FHIT: variants seen among roughly 807,000 people sequenced by gnomAD.
FHIT encodes the protein bis(5'-adenosyl)-triphosphatase.
In FHIT, 19 loss-of-function variants were observed where a neutral mutation model predicts 17.9. The ratio of observed to expected loss-of-function variants is 1.06; its 90% CI spans 0.74 to 1.56. The LOEUF (loss-of-function observed/expected upper bound fraction) is 1.56, where lower values mean the gene tolerates loss of function less well. Among genes scored for constraint, FHIT ranks in the 40% most tolerant of loss-of-function variants. FHIT has a pLI of 0.00. For missense variants in FHIT, 248 were observed against 189.2 expected (o/e 1.31, Z -1.82); for synonymous variants, 81 against 69.7 (o/e 1.16, Z -0.81).
At chr3:60,692,331 T>C (rs1041517720) in intron 4 of FHIT, among the ~76,000 whole-genome samples, 2 of 152,156 alleles carry the variant, frequency 1.3e-5, no homozygotes, top group East Asian at 3.9e-4. Flanking sequence ...CTAAAATCTG[T>C]GAATGTGTTA....
chr3:61,124,231 G>C (rs543301295), intron 2 of FHIT, among the ~76,000 whole-genome samples: 105 of 152,258 alleles, frequency 6.9e-4, no homozygotes, highest in Non-Finnish European at 1.1e-3. Context: ...TGTATCATGA[G>C]TGTATGATTG....
In FHIT at chr3:60,309,563, T is replaced by G. The variant is rs115000110; in HGVS notation, c.103+227297A>C. On this transcript the variant is annotated intron_variant, in intron 5 of 9. Coordinates refer to ENST00000492590, the MANE Select transcript of FHIT (RefSeq NM_002012.4). ...GGACTTTTTACCTTCTATTAAAGAT[T>G]TTCTGTGCATTCCTTCTACTGGAAA... Among the ~76,000 whole-genome samples the G allele has an allele frequency of 8.3e-3, 1,266 of 152,206 alleles. 15 individuals carry two copies. Among genetic ancestry groups the G allele is most frequent in the African/African-American group, 0.029 (1,212 of 41,524 alleles).
At chr3:59,844,730 C>A (rs188768354) in intron 8 of FHIT, among the ~76,000 whole-genome samples, 2 of 152,096 alleles carry the variant, frequency 1.3e-5, no homozygotes, top group East Asian at 3.9e-4. Flanking sequence ...GCTAGTATTT[C>A]GTTGAAGATT....
rs570642214 is a variant in FHIT at position 61,070,650 on chromosome 3, T to C, written c.-163-28551A>G. On this transcript the variant is annotated intron_variant, in intron 2 of 9. Transcript: ENST00000492590. Reference sequence around the variant, plus strand: ...CTTCTCTTCATAACCAATATGTTGCTAAACAACAATTTCTAATTGCCCCTT... The same window carrying C: ...CTTCTCTTCATAACCAATATGTTGCCAAACAACAATTTCTAATTGCCCCTT... Among the ~76,000 whole-genome samples the C allele has an allele frequency of 6.6e-5, 10 of 152,344 alleles. No homozygotes were observed. The South Asian group carries it at 2.1e-3, about 32-fold the overall frequency.
At position 60,314,735 on chromosome 3, in the gene FHIT, G is replaced by A. The variant is rs777030196; in HGVS notation, c.103+222125C>T. Among the ~76,000 whole-genome samples, 42 of 152,080 alleles carry A rather than the reference G, an allele frequency of 2.8e-4. 1 individual carries two copies. The highest frequency in any genetic ancestry group is 5.6e-4 in the Non-Finnish European group (38 of 68,024). ...AACATTCCTTCCATCCAGAAGTGAG[G>A]GGTCTATGTTCCTTCTCCCTGAGTA... On this transcript the variant is annotated intron_variant, in intron 5 of 9. Transcript: ENST00000492590.
chr3:60,861,176 TG>T, intron 3 of FHIT, among the ~76,000 whole-genome samples: 2 of 25,524 alleles, frequency 7.8e-5, no homozygotes, highest in Non-Finnish European at 1.4e-4. Flanking sequence ...ATATGTTCTA[TG>T]ATATATATGA....
At position 61,248,166 on chromosome 3, in the gene FHIT, T is replaced by A. The variant is rs139040333; in HGVS notation, c.-213+3135A>T. On this transcript the variant is annotated intron_variant, in intron 1 of 9. Coordinates refer to ENST00000492590, the MANE Select transcript of FHIT (RefSeq NM_002012.4). ...TATATTTCAAAGCTGCACTTCTGCA[T>A]TAAAAGAGTAAACAGATTCAATGAA... 3.9e-5 allele frequency among the ~76,000 whole-genome samples: 6 copies of A among 152,306 alleles called. No individual in the cohort carries two copies. In the East Asian group the frequency reaches 1.2e-3, roughly 29 times the overall value.
At chr3:60,130,798 C>CATATATATGTGTGTGTGTGTGTAT (rs1699524776) in intron 5 of FHIT, among the ~76,000 whole-genome samples, 4 of 140,084 alleles carry the variant, frequency 2.9e-5, no homozygotes, top group South Asian at 2.3e-4. Flanking sequence ...TGTATATACA[C>CATATATATGTGTGTGTGTGTGTAT]ACATATATAT....
chr3:60,950,391 T>A (rs1343453348), intron 3 of FHIT, among the ~76,000 whole-genome samples: 1 of 152,230 alleles, frequency 6.6e-6, no homozygotes, highest in African/African-American at 2.4e-5. Context: ...CATCTTCCAT[T>A]CATAACCTCT....
chr3:59,904,140 G>A (rs1266612916), intron 8 of FHIT, among the ~76,000 whole-genome samples: 1 of 138,802 alleles, frequency 7.2e-6, no homozygotes, highest in Non-Finnish European at 1.5e-5. Context: ...TTATGATAAA[G>A]GTGACAGAAT....
intron 2 of FHIT, among the ~76,000 whole-genome samples, chr3:61,188,094 A>G (rs1418040626): frequency 1.3e-5 from 2 of 152,204 alleles, no homozygotes; most frequent in Non-Finnish European, 2.9e-5. Flanking sequence ...AGCAGAACTG[A>G]AGGAAATAGA....
chr3:60,649,593 T>C (rs1553687701), intron 4 of FHIT, among the ~76,000 whole-genome samples: 1 of 152,044 alleles, frequency 6.6e-6, no homozygotes. Flanking sequence ...CGTGGTAAAA[T>C]AAAACAACAA....
chr3:60,506,279 G>C (rs2034725222), intron 5 of FHIT, among the ~76,000 whole-genome samples: 1 of 152,096 alleles, frequency 6.6e-6, no homozygotes, highest in African/African-American at 2.4e-5. Context: ...AGGTGGGAAG[G>C]GATGGATGTA....
chr3:60,639,118 T>C (rs1355786734), intron 4 of FHIT, among the ~76,000 whole-genome samples: 2 of 149,298 alleles, frequency 1.3e-5, no homozygotes, highest in Non-Finnish European at 3.0e-5. Flanking sequence ...GCTCTATAGT[T>C]AAAGCAACTT....
In FHIT at chr3:59,747,805, T is replaced by C. The variant is rs1262859365; in HGVS notation, c.*1780A>G. ...TATGCCTGCAGGGGTTGGGGGGAGG[T>C]GGGTGGGTGGAAAGGAGTACTGGTT... On this transcript the variant is annotated 3_prime_UTR_variant, in exon 10 of 10. Transcript: ENST00000492590. Among the ~76,000 whole-genome samples, 3 of 147,288 alleles carry C rather than the reference T, an allele frequency of 2.0e-5. No individual in the cohort carries two copies. The highest frequency in any genetic ancestry group is 4.5e-5 in the Non-Finnish European group (3 of 66,650).
intron 5 of FHIT, among the ~76,000 whole-genome samples, chr3:60,041,213 A>G (rs940266511): frequency 6.6e-6 from 1 of 152,218 alleles, no homozygotes; most frequent in Non-Finnish European, 1.5e-5. Flanking sequence ...GGAGACTTGC[A>G]GATCCAACTG....
chr3:59,871,658 C>G (rs139799732), intron 8 of FHIT, among the ~76,000 whole-genome samples: 116 of 152,314 alleles, frequency 7.6e-4, no homozygotes, highest in African/African-American at 2.7e-3. Flanking sequence ...GAGGCTGTGT[C>G]TGGGTTCAGT....
intron 5 of FHIT, among the ~76,000 whole-genome samples, chr3:60,421,573 T>C (rs1702467692): frequency 6.6e-6 from 1 of 152,170 alleles, no homozygotes; most frequent in South Asian, 2.1e-4. Context: ...AATTATGCTA[T>C]AAAGTATTAT....
At chr3:60,408,107 G>T (rs1426502503) in intron 5 of FHIT, among the ~76,000 whole-genome samples, 1 of 152,136 alleles carries the variant, frequency 6.6e-6, no homozygotes, top group South Asian at 2.1e-4. Context: ...TGAAAACATA[G>T]GTCAGTTTAT....
Sources: gnomAD v4.1 joint callset for allele counts (sites outside exome capture counted in the v4.1 genomes callset) on GRCh38, gnomAD v4.1.1 for gene constraint, MANE v1.5 for transcripts, NCBI Gene and HGNC (gene_info 2026-07-23, HGNC 2026-07-21) for gene names.